NEGR1: variants seen among roughly 807,000 people sequenced by gnomAD.
NEGR1 encodes IgLON family member 4.
In NEGR1, 10 loss-of-function variants were observed where a neutral mutation model predicts 40.9. The ratio of observed to expected loss-of-function variants is 0.24; its 90% CI spans 0.15 to 0.42. The LOEUF (loss-of-function observed/expected upper bound fraction) is 0.42, where lower values mean the gene tolerates loss of function less well. NEGR1 is among the 10% of genes least tolerant of loss of function. NEGR1 has a pLI of 1.00. For synonymous variants in NEGR1, 185 were observed against 166.8 expected (o/e 1.11, Z -0.84); for missense variants, 352 against 438.9 (o/e 0.80, Z 1.77).
intron 1 of NEGR1, among the ~76,000 whole-genome samples, chr1:72,145,141 C>T (rs1650858454): frequency 2.0e-5 from 3 of 151,876 alleles, no homozygotes; most frequent in Non-Finnish European, 4.4e-5. Context: ...ACCTGGCCCT[C>T]AAAGGGAAAA....
At position 71,815,121 on chromosome 1, in the gene NEGR1, G is replaced by A. The variant is rs573958889; in HGVS notation, c.410-38824C>T. 2.6e-5 allele frequency among the ~76,000 whole-genome samples: 4 copies of A among 152,156 alleles called. No individual in the cohort carries two copies. The South Asian group carries it at 8.3e-4, about 32-fold the overall frequency. On this transcript the variant is annotated intron_variant, in intron 2 of 6. Transcript: ENST00000357731. ...GTATGTTGTCTCTTTGCTCTCATTG[G>A]TTTCAAAGAACTTATTGATTTCTGC...
chr1:71,543,720 T>C (rs569001676), intron 6 of NEGR1, among the ~76,000 whole-genome samples: 1 of 151,832 alleles, frequency 6.6e-6, no homozygotes, highest in South Asian at 2.1e-4. Flanking sequence ...CTAGATCTTC[T>C]AGTAGATATT....
intron 1 of NEGR1, among the ~76,000 whole-genome samples, chr1:72,189,248 A>C (rs979998789): frequency 2.6e-5 from 4 of 151,534 alleles, no homozygotes; most frequent in Non-Finnish European, 5.9e-5. Context: ...AAGCCAAACA[A>C]TGTAGCAATT....
chr1:71,499,443 CAT>C (rs1402037040), intron 6 of NEGR1, among the ~76,000 whole-genome samples: 1 of 147,168 alleles, frequency 6.8e-6, no homozygotes, highest in Non-Finnish European at 1.5e-5. Flanking sequence ...TTATATATAA[CAT>C]ATATAATTAT....
intron 1 of NEGR1, among the ~76,000 whole-genome samples, chr1:72,192,141 G>A (rs1355747541): frequency 6.6e-6 from 1 of 151,858 alleles, no homozygotes; most frequent in Non-Finnish European, 1.5e-5. Flanking sequence ...GATATTCATA[G>A]AGCTATGTAA....
chr1:71,533,607 A>G (rs1422268312), intron 6 of NEGR1, among the ~76,000 whole-genome samples: 1 of 151,706 alleles, frequency 6.6e-6, no homozygotes, highest in African/African-American at 2.4e-5. Context: ...TCTCAGGCAA[A>G]TCAAAGGATA....
intron 3 of NEGR1, among the ~76,000 whole-genome samples, chr1:71,707,400 T>A (rs923674918): frequency 3.3e-5 from 5 of 151,914 alleles, no homozygotes; most frequent in African/African-American, 1.2e-4. Context: ...GGCTACAGGG[T>A]GAGGCTCCTC....
At chr1:71,905,219 C>T (rs993495700) in intron 2 of NEGR1, among the ~76,000 whole-genome samples, 1 of 151,982 alleles carries the variant, frequency 6.6e-6, no homozygotes, top group Admixed American at 6.6e-5. Context: ...ACAAAATAAG[C>T]TAATTTTTTT....
At chr1:72,070,656 T>C (rs1569912361) in intron 1 of NEGR1, among the ~76,000 whole-genome samples, 2 of 151,956 alleles carry the variant, frequency 1.3e-5, no homozygotes, top group Non-Finnish European at 2.9e-5. Context: ...ACTAACGCCA[T>C]GTATGTGAAC....
intron 6 of NEGR1, among the ~76,000 whole-genome samples, chr1:71,523,410 G>C (rs1569983436): frequency 1.3e-5 from 2 of 152,032 alleles, no homozygotes; most frequent in East Asian, 3.9e-4. Context: ...TATATTGTAA[G>C]ATTATTTTTG....
intron 1 of NEGR1, among the ~76,000 whole-genome samples, chr1:72,205,073 T>C (rs575288964): frequency 1.3e-5 from 2 of 152,184 alleles, no homozygotes; most frequent in East Asian, 1.9e-4. Context: ...ATTGCAAATG[T>C]AGGATCTCCT....
chr1:72,231,952 A>G (rs927908765), intron 1 of NEGR1, among the ~76,000 whole-genome samples: 1 of 152,160 alleles, frequency 6.6e-6, no homozygotes, highest in Non-Finnish European at 1.5e-5. Flanking sequence ...AATATACAAC[A>G]TATTGGTTTA....
chr1:71,630,042 A>G (rs1307986652), intron 4 of NEGR1, among the ~76,000 whole-genome samples: 2 of 152,014 alleles, frequency 1.3e-5, no homozygotes, highest in Non-Finnish European at 2.9e-5. Context: ...CTTCTAATTT[A>G]ATATAAAGCT....
At position 71,564,361 on chromosome 1, in the gene NEGR1, T is replaced by A. The variant is rs144553133; in HGVS notation, c.940+28456A>T. On this transcript the variant is annotated intron_variant, in intron 6 of 6. Transcript: ENST00000357731. Reference sequence around the variant, plus strand: ...CATAAACTGGGAAAAATCATACATATGTTAAGTAGTGGATTAAGGATTTGG... The same window carrying A: ...CATAAACTGGGAAAAATCATACATAAGTTAAGTAGTGGATTAAGGATTTGG... Among the ~76,000 whole-genome samples, 340 of 152,214 alleles carry A rather than the reference T, an allele frequency of 2.2e-3. 2 individuals are homozygous for A. The highest frequency in any genetic ancestry group is 7.7e-3 in the African/African-American group (320 of 41,558).
At chr1:71,761,183 C>G (rs1655926569) in intron 3 of NEGR1, among the ~76,000 whole-genome samples, 1 of 152,142 alleles carries the variant, frequency 6.6e-6, no homozygotes, top group African/African-American at 2.4e-5. Flanking sequence ...CAGGAGTCAG[C>G]AAACATTTTT....
At chr1:71,614,251 C>G (rs558079855) in intron 4 of NEGR1, among the ~76,000 whole-genome samples, 1 of 151,444 alleles carries the variant, frequency 6.6e-6, no homozygotes, top group South Asian at 2.1e-4. Flanking sequence ...AAACACACAC[C>G]CAGTTTTATA....
At position 72,161,792 on chromosome 1, in the gene NEGR1, C is replaced by A. The variant is rs867498661; in HGVS notation, c.176+120527G>T. On this transcript the variant is annotated intron_variant, in intron 1 of 6. Transcript: ENST00000357731. Reference sequence around the variant, plus strand: ...TTCCTGGGTTCAAGCGATCCTCCTGCCTCAGCCTCCCAAGTAGCTGGGACT... The same window carrying A: ...TTCCTGGGTTCAAGCGATCCTCCTGACTCAGCCTCCCAAGTAGCTGGGACT... Among the ~76,000 whole-genome samples, 6 of 149,148 alleles carry A rather than the reference C, an allele frequency of 4.0e-5. No homozygotes were observed. The Middle Eastern group carries it at 0.018, about 444-fold the overall frequency.
intron 2 of NEGR1, among the ~76,000 whole-genome samples, chr1:71,878,575 A>T (rs1323309465): frequency 6.6e-6 from 1 of 152,246 alleles, no homozygotes; most frequent in Non-Finnish European, 1.5e-5. Context: ...ATATAGTTTT[A>T]ATTAAATGTA....
intron 4 of NEGR1, among the ~76,000 whole-genome samples, chr1:71,664,686 C>T (rs557814063): frequency 6.6e-6 from 1 of 151,962 alleles, no homozygotes; most frequent in African/African-American, 2.4e-5. Context: ...CTTTGCCTTA[C>T]TATCAGTCAA....
Sources: allele counts gnomAD v4.1 joint callset (sites outside exome capture counted in the v4.1 genomes callset), GRCh38; gene constraint gnomAD v4.1.1; transcripts MANE v1.5; gene names NCBI Gene and HGNC (gene_info 2026-07-23, HGNC 2026-07-21).